The following NIBAN1 variants were observed in gnomAD, a reference collection of about 807,000 sequenced individuals.
NIBAN1 encodes niban apoptosis regulator 1, also known as protein Niban 1.
A neutral mutation model predicts 75.1 loss-of-function variants in NIBAN1; 81 were observed. The ratio of observed to expected loss-of-function variants is 1.08; its 90% CI spans 0.90 to 1.30. NIBAN1 has a LOEUF of 1.30. Among genes scored for constraint, NIBAN1 ranks in the 50% most tolerant of loss-of-function variants. The probability of loss-of-function intolerance (pLI) is 0.00; values close to 1 mark genes in which losing one functional copy is unlikely to be tolerated. For synonymous variants in NIBAN1, 436 were observed against 424.8 expected, an observed-to-expected ratio of 1.03 and a Z score of -0.32; for missense variants, 1,133 against 1,128.1, an observed-to-expected ratio of 1.00 and a Z score of -0.06.
chr1:184,819,644 G>T (rs1314050733), intron 8 of NIBAN1, among the ~76,000 whole-genome samples: 1 of 152,190 alleles, frequency 6.6e-6, no homozygotes, highest in Non-Finnish European at 1.5e-5. Context: ...GCCGGAGCTA[G>T]AAGAAGCCTG....
intron 5 of NIBAN1, chr1:184,867,779 GT>G: frequency 1.2e-6 from 1 of 826,306 alleles, no homozygotes; most frequent in Non-Finnish European, 1.5e-6. Context: ...TACAAATTGA[GT>G]TTGGTTTATA....
chr1:184,803,747 T>C, intron 11 of NIBAN1, 55 bp from the exon 12 acceptor site: 1 of 1,543,702 alleles, frequency 6.5e-7, no homozygotes, highest in Middle Eastern at 1.9e-4. Context: ...TTGACTTATG[T>C]TTACTCAAAA....
At chr1:184,864,695 T>A (rs1655903893) in intron 5 of NIBAN1, among the ~76,000 whole-genome samples, 1 of 152,040 alleles carries the variant, frequency 6.6e-6, no homozygotes, top group Non-Finnish European at 1.5e-5. Context: ...ACTAGACATC[T>A]AACAAAGGTC....
intron 9 of NIBAN1, among the ~76,000 whole-genome samples, chr1:184,810,298 T>C (rs753180985): frequency 3.7e-4 from 56 of 152,252 alleles, no homozygotes; most frequent in Non-Finnish European, 5.9e-5. Context: ...CCAGAACCTC[T>C]GGAGGTCTTG....
At chr1:184,838,064 T>C (rs1016927529) in intron 5 of NIBAN1, among the ~76,000 whole-genome samples, 1 of 152,204 alleles carries the variant, frequency 6.6e-6, no homozygotes, top group Non-Finnish European at 1.5e-5. Flanking sequence ...TTTCTTTTTC[T>C]GATCTCTAAC....
chr1:184,826,764 A>G (rs537302802), intron 6 of NIBAN1, among the ~76,000 whole-genome samples: 14 of 152,336 alleles, frequency 9.2e-5, no homozygotes, highest in South Asian at 2.1e-4. Flanking sequence ...TTTCCCACAC[A>G]ATGTTCCAAG....
chr1:184,910,179 C>T (rs1657204622), intron 1 of NIBAN1, among the ~76,000 whole-genome samples: 1 of 152,052 alleles, frequency 6.6e-6, no homozygotes, highest in African/African-American at 2.4e-5. Flanking sequence ...TCATTATACG[C>T]ACCAAGGAGA....
chr1:184,973,915 T>G (rs943485857), intron 1 of NIBAN1, among the ~76,000 whole-genome samples: 6 of 152,228 alleles, frequency 3.9e-5, no homozygotes, highest in African/African-American at 1.4e-4. Context: ...CAGGGGTATC[T>G]CTAGAAACGC....
intron 5 of NIBAN1, among the ~76,000 whole-genome samples, chr1:184,846,092 C>G (rs1655437180): frequency 1.3e-5 from 1 of 79,966 alleles, no homozygotes. Context: ...AACAAAGCAG[C>G]CAGGAAGCTC....
At chr1:184,906,120 A>G (rs1657095540) in intron 1 of NIBAN1, among the ~76,000 whole-genome samples, 1 of 150,184 alleles carries the variant, frequency 6.7e-6, no homozygotes, top group Admixed American at 6.7e-5. Context: ...GCACACCTGT[A>G]GTTGCAGCTA....
intron 1 of NIBAN1, among the ~76,000 whole-genome samples, chr1:184,930,999 T>TTTTTCTTTC (rs1185017195): frequency 2.5e-5 from 1 of 40,390 alleles, no homozygotes; most frequent in Non-Finnish European, 6.2e-5. Context: ...TTCTTCTTCT[T>TTTTTCTTTC]TTTTTTTTTT....
At chr1:184,856,537 A>G (rs911301724) in intron 5 of NIBAN1, among the ~76,000 whole-genome samples, 2 of 152,206 alleles carry the variant, frequency 1.3e-5, no homozygotes, top group Non-Finnish European at 2.9e-5. Flanking sequence ...AAAAAAGGTG[A>G]TAACTAATTG....
chr1:184,882,712 A>C (rs1213026212), intron 5 of NIBAN1, among the ~76,000 whole-genome samples: 1 of 152,208 alleles, frequency 6.6e-6, no homozygotes, highest in African/African-American at 2.4e-5. Context: ...GAAAGGGGGA[A>C]TGCAGTAAGT....
intron 4 of NIBAN1, among the ~76,000 whole-genome samples, chr1:184,886,537 A>G (rs1656530264): frequency 6.6e-6 from 1 of 152,128 alleles, no homozygotes; most frequent in African/African-American, 2.4e-5. Context: ...CTCAAAATCA[A>G]TTCCAAGCAA....
chr1:184,911,433 T>C (rs982432373), intron 1 of NIBAN1, among the ~76,000 whole-genome samples: 1 of 152,168 alleles, frequency 6.6e-6, no homozygotes, highest in African/African-American at 2.4e-5. Context: ...CAAAAAGGTA[T>C]AGACCCAGCA....
chr1:184,880,535 T>C (rs948255308), intron 5 of NIBAN1, among the ~76,000 whole-genome samples: 7 of 152,188 alleles, frequency 4.6e-5, no homozygotes, highest in Non-Finnish European at 8.8e-5. Flanking sequence ...ATTCTTCCTG[T>C]TCCTTTAATG....
At chr1:184,892,286 A>G (rs898568884) in intron 3 of NIBAN1, among the ~76,000 whole-genome samples, 1 of 152,214 alleles carries the variant, frequency 6.6e-6, no homozygotes, top group African/African-American at 2.4e-5. Context: ...GAAATCACGC[A>G]GATCTCATTT....
intron 1 of NIBAN1, among the ~76,000 whole-genome samples, chr1:184,935,094 T>C (rs1657921668): frequency 1.3e-5 from 2 of 151,986 alleles, no homozygotes; most frequent in Admixed American, 6.5e-5. Flanking sequence ...CAATTTGAAA[T>C]TTATTTTTAG....
chr1:184,956,912 G>A (rs1035922912), intron 1 of NIBAN1, among the ~76,000 whole-genome samples: 10 of 152,180 alleles, frequency 6.6e-5, no homozygotes, highest in East Asian at 3.9e-4. Flanking sequence ...GCCACTGAGC[G>A]TTGATGTCTG....
Sources: gnomAD v4.1 joint callset for allele counts (sites outside exome capture counted in the v4.1 genomes callset) on GRCh38, gnomAD v4.1.1 for gene constraint, MANE v1.5 for transcripts, NCBI Gene and HGNC (gene_info 2026-07-23, HGNC 2026-07-21) for gene names.